XRCC6: variants seen among roughly 807,000 people sequenced by gnomAD.
XRCC6 encodes the protein DNA repair protein Ku70.
A neutral mutation model predicts 65.7 loss-of-function variants in XRCC6; 5 were observed. The ratio of observed to expected loss-of-function variants is 0.08; its 90% CI spans 0.04 to 0.16. XRCC6 has a LOEUF of 0.16. XRCC6 is among the 10% of genes least tolerant of loss of function. The pLI is 1.00. For synonymous variants in XRCC6, 270 were observed against 270.6 expected (o/e 1.00, Z 0.02); for missense variants, 447 against 738.1 (o/e 0.61, Z 4.57).
At chr22:41,649,711 C>G (rs1412875412) in intron 7 of XRCC6, among the ~76,000 whole-genome samples, 2 of 151,794 alleles carry the variant, frequency 1.3e-5, no homozygotes, top group Non-Finnish European at 2.9e-5. Context: ...AAAAATTAGC[C>G]AGGTGTGGTG....
Position 41,662,455 on chromosome 22 carries a change from ATT to A in XRCC6, c.1636+1012_1636+1013del, listed in dbSNP as rs1240895261. 8.5e-5 allele frequency among the ~76,000 whole-genome samples: 13 copies of A among 152,258 alleles called. 1 individual carries two copies. The South Asian group carries it at 1.7e-3, about 19-fold the overall frequency. On this transcript the variant is annotated intron_variant, in intron 12 of 12. Transcript: ENST00000360079. ...TATTTCAGCACAAATGGAATAATAC[ATT>A]GTTTTCTAGTTTGCTATTTTTGTTA...
intron 11 of XRCC6, among the ~76,000 whole-genome samples, chr22:41,660,300 T>C (rs181917052): frequency 1.8e-3 from 280 of 152,352 alleles, no homozygotes; most frequent in African/African-American, 6.3e-3. Flanking sequence ...CCTTTTCCTG[T>C]CATACTTGCT....
At position 41,622,104 on chromosome 22, in the gene XRCC6, G is replaced by A. The variant is rs774466382; in HGVS notation, c.82+18G>A. On this transcript the variant is annotated intron_variant, in intron 2 of 12. Coordinates refer to ENST00000360079, the MANE Select transcript of XRCC6 (RefSeq NM_001469.5). ...AGCAAGTGGTAAGTGACTTCAGCAT[G>A]TAGTGCCATTCGGTGTGTGGAAGAA... 6.2e-7 allele frequency: 1 copy of A among 1,613,842 alleles called. No homozygotes were observed. Among genetic ancestry groups the A allele is most frequent in the Non-Finnish European group, 8.5e-7 (1 of 1,179,722 alleles).
chr22:41,636,418 C>G, intron 4 of XRCC6, 98 bp from the exon 5 acceptor site: 1 of 1,531,654 alleles, frequency 6.5e-7, no homozygotes. Flanking sequence ...TTAAACAGCT[C>G]TGGGGTGAAA....
chr22:41,629,652 G>GTATT (rs28741119), intron 3 of XRCC6, among the ~76,000 whole-genome samples: 6,038 of 151,978 alleles, frequency 0.04, 257 homozygotes, highest in African/African-American at 0.092. Flanking sequence ...GTTTGTGTGT[G>GTATT]TATTTATTTA....
At chr22:41,644,348 T>C (rs758713391) in intron 6 of XRCC6, among the ~76,000 whole-genome samples, 42 of 152,344 alleles carry the variant, frequency 2.8e-4, no homozygotes, top group Admixed American at 5.9e-4. Context: ...TGGCCCAACA[T>C]ATGATCTCTC....
intron 2 of XRCC6, among the ~76,000 whole-genome samples, chr22:41,625,437 C>G (rs1023557670): frequency 6.6e-6 from 1 of 152,168 alleles, no homozygotes; most frequent in Non-Finnish European, 1.5e-5. Flanking sequence ...TTGAGACCAG[C>G]CTGACCAACA....
At chr22:41,631,563 G>C (rs1233147099) in intron 3 of XRCC6, among the ~76,000 whole-genome samples, 26 of 119,418 alleles carry the variant, frequency 2.2e-4, no homozygotes, top group African/African-American at 7.4e-4. Flanking sequence ...CCACATCTCA[G>C]ACGATGGGCG....
intron 2 of XRCC6, among the ~76,000 whole-genome samples, chr22:41,627,335 G>A (rs1455272153): frequency 6.6e-6 from 1 of 152,224 alleles, no homozygotes; most frequent in Non-Finnish European, 1.5e-5. Flanking sequence ...GCGGGGTGGG[G>A]TGCGGTGGCT....
rs528373313 is a variant in XRCC6 at position 41,624,669 on chromosome 22, CAG to C, written c.82+2586_82+2587del. 2.8e-5 allele frequency among the ~76,000 whole-genome samples: 4 copies of C among 145,078 alleles called. No homozygotes were observed. The East Asian group carries it at 8.4e-4, about 30-fold the overall frequency. On this transcript the variant is annotated intron_variant, in intron 2 of 12. Coordinates refer to ENST00000360079, the MANE Select transcript of XRCC6 (RefSeq NM_001469.5). ...CATCACTGCACTCCAGCCTGGGCGA[CAG>C]AGTGAGACTCTGTCTCAAAAAAATA...
At chr22:41,635,628 C>T (rs915261423) in intron 3 of XRCC6, among the ~76,000 whole-genome samples, 6 of 152,108 alleles carry the variant, frequency 3.9e-5, no homozygotes, top group African/African-American at 1.4e-4. Flanking sequence ...GCAGCCTTCA[C>T]CTCCTGGGGT....
At chr22:41,647,211 G>C (rs1478420132) in intron 7 of XRCC6, 129 bp downstream of exon 7, 2 of 874,948 alleles carry the variant, frequency 2.3e-6, no homozygotes, top group Non-Finnish European at 3.5e-6. Flanking sequence ...CGATCCTTCT[G>C]TCTCAGCCTC....
intron 6 of XRCC6, among the ~76,000 whole-genome samples, chr22:41,641,482 T>A (rs776488372): frequency 1.0e-3 from 158 of 152,302 alleles, no homozygotes; most frequent in Middle Eastern, 3.4e-3. Flanking sequence ...TATACTCCTT[T>A]AGTTATTTTA....
intron 2 of XRCC6, among the ~76,000 whole-genome samples, chr22:41,624,890 G>A (rs925538656): frequency 9.8e-5 from 13 of 132,568 alleles, no homozygotes; most frequent in African/African-American, 3.1e-4. Flanking sequence ...CCAGCTACTC[G>A]GGAGGCTGAG....
chr22:41,648,005 T>A (rs1036962744), intron 7 of XRCC6: 1 of 111,170 alleles, frequency 9.0e-6, no homozygotes, highest in African/African-American at 3.0e-5. Context: ...CCTTTTCTTT[T>A]TTCTCTCTCC....
At position 41,649,139 on chromosome 22, in the gene XRCC6, A is replaced by AAAATATATATAT; in HGVS notation, c.961-1583_961-1582insAATATATATATA. Among the ~76,000 whole-genome samples the AAAATATATATAT allele has an allele frequency of 7.6e-4, 67 of 88,718 alleles. 1 individual carries two copies. The highest frequency in any genetic ancestry group is 2.2e-3 in the South Asian group (5 of 2,296). 58.2% of individuals were successfully genotyped at this position (88,718 alleles called of 152,430 possible). A position where few individuals can be genotyped will look rare whatever the true frequency, so the allele number is the denominator to read the frequency against. ...GGGAAGAGAGTACAAAAAAAAAAAA[A>AAAATATATATAT]ATATATATATATATATATATATATG... On this transcript the variant is annotated intron_variant, in intron 7 of 12. Transcript: ENST00000360079.
In XRCC6 at chr22:41,646,977, A is replaced by C; in HGVS notation, c.855A>C (p.Pro285=). 4.3e-6 allele frequency: 7 copies of C among 1,614,202 alleles called. No homozygotes were observed. Among genetic ancestry groups the C allele is most frequent in the Non-Finnish European group, 5.9e-6 (7 of 1,180,046 alleles). ...NLVQKALKPP[P]IKLYRETNEP... is the part of the protein sequence containing the mutation. The stretch of plus-strand genomic sequence containing the variant: ...TCCAGAAGGCTCTCAAGCCTCCTCC[A>C]ATAAAGCTCTATCGGGAAACAAATG... Residue 285 remains proline, a synonymous_variant, in exon 7 of 13, where the codon CCA becomes CCC. Transcript: ENST00000360079.
chr22:41,631,935 G>A (rs1016124990), intron 3 of XRCC6, among the ~76,000 whole-genome samples: 2 of 152,192 alleles, frequency 1.3e-5, no homozygotes, highest in Admixed American at 1.3e-4. Context: ...AGACCAGCCT[G>A]GCCAACACAG....
chr22:41,636,386 G>A (rs1261145036), intron 4 of XRCC6, 130 bp from the exon 5 acceptor site: 8 of 1,486,384 alleles, frequency 5.4e-6, no homozygotes, highest in African/African-American at 1.4e-5. Flanking sequence ...GACCTTGCTC[G>A]ATGTGGACTT....
Sources: gnomAD v4.1 joint callset for allele counts (sites outside exome capture counted in the v4.1 genomes callset) on GRCh38, gnomAD v4.1.1 for gene constraint, MANE v1.5 for transcripts, NCBI Gene and HGNC (gene_info 2026-07-23, HGNC 2026-07-21) for gene names.